BCL7C: variants seen among roughly 807,000 people sequenced by gnomAD.
The protein encoded by BCL7C is BAF chromatin remodeling complex subunit BCL7C.
In BCL7C, 8 loss-of-function variants were observed where a neutral mutation model predicts 26.2. That is an observed-to-expected ratio of 0.30 (90% CI 0.18 to 0.55). The LOEUF is 0.55. Ranked by LOEUF, BCL7C falls within the 20% of genes least tolerant of loss-of-function variation. The pLI, the probability that BCL7C is intolerant of heterozygous loss-of-function variation, is 0.93. For synonymous variants in BCL7C, 90 were observed against 116.5 expected (o/e 0.77, Z 1.47); for missense variants, 262 against 298.5 (o/e 0.88, Z 0.90).
At chr16:30,881,170 G>A (rs2055037319) in intron 5 of BCL7C, among the ~76,000 whole-genome samples, 1 of 152,168 alleles carries the variant, frequency 6.6e-6, no homozygotes, top group Non-Finnish European at 1.5e-5. Flanking sequence ...GCCCAGGCGG[G>A]TGGATCACCT....
chr16:30,892,966 A>G lies in BCL7C; in HGVS notation c.172-18T>C, dbSNP rs375463873. 1.5e-5 allele frequency: 24 copies of G among 1,606,162 alleles called. No individual in the cohort carries two copies. In the African/African-American group the frequency reaches 2.3e-4, roughly 15 times the overall value. ...CTTCGCTCCTGGGGGTTAGAGGATT[A>G]GGGTCAGAGCTCTTGGAAAGCCCCA... On this transcript the variant is annotated intron_variant, in intron 2 of 5. Transcript: ENST00000215115.
intron 5 of BCL7C, among the ~76,000 whole-genome samples, chr16:30,872,554 G>A (rs1160412756): frequency 6.6e-6 from 1 of 152,174 alleles, no homozygotes; most frequent in Non-Finnish European, 1.5e-5. Flanking sequence ...AGCCCCAGTG[G>A]CAAATGAGAT....
exon 6 of BCL7C, chr16:30,835,030 G>C: frequency 6.5e-7 from 1 of 1,549,508 alleles, no homozygotes; most frequent in Non-Finnish European, 8.7e-7. Flanking sequence ...GTCCGGCACC[G>C]CCATGGAACT....
chr16:30,854,183 G>T (rs771566512), intron 5 of BCL7C, among the ~76,000 whole-genome samples: 14 of 152,214 alleles, frequency 9.2e-5, no homozygotes, highest in Non-Finnish European at 1.6e-4. Flanking sequence ...GTGTTTGGAG[G>T]GGAAAACACC....
chr16:30,865,780 G>A (rs1234604993), intron 5 of BCL7C, among the ~76,000 whole-genome samples: 1 of 140,824 alleles, frequency 7.1e-6, no homozygotes, highest in Non-Finnish European at 1.5e-5. Flanking sequence ...AGGCTGGAGT[G>A]CAGTGGCGTG....
chr16:30,874,995 G>A (rs1318946173), intron 5 of BCL7C, among the ~76,000 whole-genome samples: 1 of 152,184 alleles, frequency 6.6e-6, no homozygotes, highest in Non-Finnish European at 1.5e-5. Context: ...CAACGCGAGG[G>A]ACAGCTGGTC....
chr16:30,863,948 C>G (rs1457121148), intron 5 of BCL7C, among the ~76,000 whole-genome samples: 1 of 152,158 alleles, frequency 6.6e-6, no homozygotes, highest in Non-Finnish European at 1.5e-5. Context: ...CTGATGAAGT[C>G]CTATTCTTTA....
chr16:30,838,716 C>T lies in BCL7C; in HGVS notation c.529-3568G>A, dbSNP rs573552397. 8.5e-5 allele frequency among the ~76,000 whole-genome samples: 13 copies of T among 152,276 alleles called. No homozygotes were observed. The East Asian group carries it at 1.7e-3, about 20-fold the overall frequency. ...GCAAGAATTGCTTGAACCCAGGAGG[C>T]GGAGGTTGCAGTGAGCCAAGATCAC... On this transcript the variant is annotated intron_variant, in intron 5 of 5. Coordinates refer to the BCL7C transcript ENST00000380317.
chr16:30,857,586 G>A (rs1313181901), intron 5 of BCL7C, among the ~76,000 whole-genome samples: 1 of 152,032 alleles, frequency 6.6e-6, no homozygotes, highest in East Asian at 1.9e-4. Context: ...GATTGCTGTG[G>A]ACCAAGGGAG....
At chr16:30,884,525 C>T (rs1340967296), downstream of BCL7C, among the ~76,000 whole-genome samples, 15 of 124,392 alleles carry the variant, frequency 1.2e-4, no homozygotes, top group Middle Eastern at 0.018. Context: ...GAGACAGAGT[C>T]TCCCTCTTTT....
intron 5 of BCL7C, among the ~76,000 whole-genome samples, chr16:30,849,055 T>C (rs1333052911): frequency 6.6e-6 from 1 of 151,430 alleles, no homozygotes. Context: ...GGCGTGGTGG[T>C]GGGCGCCTGT....
intron 5 of BCL7C, among the ~76,000 whole-genome samples, chr16:30,845,383 C>A (rs187794287): frequency 3.7e-4 from 57 of 152,342 alleles, no homozygotes; most frequent in Admixed American, 2.5e-3. Context: ...TGCATGCTCT[C>A]GTGCTTGACT....
At position 30,834,873 on chromosome 16, in the gene BCL7C, G is replaced by T; in HGVS notation, c.*75C>A. On this transcript the variant is annotated 3_prime_UTR_variant, in exon 6 of 6. Coordinates refer to the BCL7C transcript ENST00000380317. The surrounding 1 kb of genome is among the most constrained non-coding windows in gnomAD (Gnocchi z 4.3). ...GAGCTGGGAAGCTCTTTCCGCCCTC[G>T]GGGCACAGGTAGTGGCTGGATCTTG... 1.4e-6 allele frequency: 2 copies of T among 1,381,572 alleles called. No homozygotes were observed. The highest frequency in any genetic ancestry group is 1.9e-6 in the Non-Finnish European group (2 of 1,040,164). The allele number at this position is 1,381,572 out of a possible 1,614,324, so 85.6% of individuals were successfully genotyped here.
chr16:30,889,928 A>C (rs2055200327), intron 4 of BCL7C, among the ~76,000 whole-genome samples: 1 of 149,508 alleles, frequency 6.7e-6, no homozygotes, highest in African/African-American at 2.4e-5. Context: ...CTTGTCTCAA[A>C]AAAAAAAAAA....
chr16:30,851,094 T>C (rs2054671277), intron 5 of BCL7C, among the ~76,000 whole-genome samples: 1 of 152,182 alleles, frequency 6.6e-6, no homozygotes, highest in Non-Finnish European at 1.5e-5. Context: ...TGCTTCGGGA[T>C]TCAGCGAACT....
chr16:30,866,174 TGGA>T (rs961008673), intron 5 of BCL7C, among the ~76,000 whole-genome samples: 1 of 151,918 alleles, frequency 6.6e-6, no homozygotes, highest in Non-Finnish European at 1.5e-5. Flanking sequence ...CAGGGAGTGA[TGGA>T]GGAGTTGGCA....
chr16:30,891,165 T>C (rs2055222947), intron 4 of BCL7C, among the ~76,000 whole-genome samples: 1 of 103,466 alleles, frequency 9.7e-6, no homozygotes, highest in African/African-American at 4.2e-5. Context: ...CAAGACTTCA[T>C]CTCAAAAAAA....
chr16:30,848,508 G>A (rs970144351), intron 5 of BCL7C, among the ~76,000 whole-genome samples: 7 of 152,156 alleles, frequency 4.6e-5, no homozygotes, highest in Non-Finnish European at 1.0e-4. Flanking sequence ...GGATTATAGT[G>A]TCCCTAGGAA....
At chr16:30,879,842 T>C (rs1403434777) in intron 5 of BCL7C, among the ~76,000 whole-genome samples, 1 of 151,022 alleles carries the variant, frequency 6.6e-6, no homozygotes, top group East Asian at 2.0e-4. Context: ...ACAAAAAAAT[T>C]AGCTGGGCAT....
Sources: allele counts gnomAD v4.1 joint callset (sites outside exome capture counted in the v4.1 genomes callset), GRCh38; gene constraint gnomAD v4.1.1; non-coding constraint Gnocchi (gnomAD v3.1); transcripts MANE v1.5; gene names NCBI Gene and HGNC (gene_info 2026-07-23, HGNC 2026-07-21).